FOXK1: variants seen among roughly 807,000 people sequenced by gnomAD.
FOXK1 encodes the protein forkhead box K1.
Under a neutral mutation model 51.9 loss-of-function variants are expected in FOXK1, and 19 were observed. The ratio of observed to expected loss-of-function variants is 0.37; its 90% confidence interval spans 0.26 to 0.54. The LOEUF is 0.54. Ranked by LOEUF, FOXK1 falls within the 20% of genes least tolerant of loss-of-function variation. The pLI is 0.87. For synonymous variants in FOXK1, 537 were observed against 482.6 expected (o/e 1.11, Z -1.48); for missense variants, 870 against 1,032.7 (o/e 0.84, Z 2.16).
At chr7:4,696,403 T>C in intron 1 of FOXK1, among the ~76,000 whole-genome samples, 1 of 152,180 alleles carries the variant, frequency 6.6e-6, no homozygotes, top group East Asian at 1.9e-4. Flanking sequence ...CCTTCCAGAT[T>C]TGTAATTTCC....
chr7:4,712,094 T>A (rs1780182174), intron 1 of FOXK1, among the ~76,000 whole-genome samples: 1 of 151,846 alleles, frequency 6.6e-6, no homozygotes, highest in African/African-American at 2.4e-5. Flanking sequence ...TTATCCATCA[T>A]CTAATTGTGA....
intron 1 of FOXK1, among the ~76,000 whole-genome samples, chr7:4,720,876 G>A (rs774222219): frequency 2.0e-5 from 3 of 151,078 alleles, no homozygotes; most frequent in South Asian, 2.1e-4. Context: ...GCACCACCAC[G>A]CCCACTTAAT....
Position 4,762,825 on chromosome 7 carries a change from C to T in FOXK1, c.*361C>T, listed in dbSNP as rs767385313. Reference sequence around the variant, plus strand: ...GACAGCCCCTCCGCTCCGCGCTGCACGGCCAGCCGCCTTTGTCCGGGAGGA... The same window carrying T: ...GACAGCCCCTCCGCTCCGCGCTGCATGGCCAGCCGCCTTTGTCCGGGAGGA... On this transcript the variant is annotated 3_prime_UTR_variant, in exon 9 of 9. Coordinates refer to ENST00000328914, the MANE Select transcript of FOXK1 (RefSeq NM_001037165.2). The surrounding 1 kb of genome is among the most constrained non-coding windows in gnomAD (Gnocchi z 5.7). 8 of 219,632 alleles carry T rather than the reference C, an allele frequency of 3.6e-5. No individual in the cohort carries two copies. Among genetic ancestry groups the T allele is most frequent in the South Asian group, 8.6e-5 (1 of 11,634 alleles). The allele number at this position is 219,632 out of a possible 1,614,324, so 13.6% of individuals were successfully genotyped here. A position where few individuals can be genotyped will look rare whatever the true frequency, so the allele number is the denominator to read the frequency against.
At chr7:4,744,061 T>C (rs948961189) in intron 2 of FOXK1, among the ~76,000 whole-genome samples, 2 of 151,918 alleles carry the variant, frequency 1.3e-5, no homozygotes, top group African/African-American at 4.8e-5. Flanking sequence ...GTGTTTTTAG[T>C]AGAGATGGGG....
rs941869598 is a variant in FOXK1, at chr7:4,709,559, T to C, written c.560+26691T>C. ...GCAGGCGGACCTTCTCCGGGAGCCC[T>C]GTGCACAGTTGGCTTCGCAGCAGGC... On this transcript the variant is annotated intron_variant, in intron 1 of 8. Transcript: ENST00000328914. This position sits in a 1 kb window ranked among gnomAD's most constrained non-coding sequence, Gnocchi z 5.6. Among the ~76,000 whole-genome samples the C allele has an allele frequency of 2.0e-5, 3 of 152,180 alleles. No homozygotes were observed. The highest frequency in any genetic ancestry group is 4.4e-5 in the Non-Finnish European group (3 of 68,018).
chr7:4,760,966 C>T (rs1225191601), intron 7 of FOXK1, 98 bp from the exon 8 acceptor site: 3 of 1,147,032 alleles, frequency 2.6e-6, no homozygotes, highest in African/African-American at 1.5e-5. Flanking sequence ...CCAGTGCCGA[C>T]CTCACTTTCC....
At chr7:4,708,472 C>CTT (rs1044289870) in intron 1 of FOXK1, among the ~76,000 whole-genome samples, 7 of 152,208 alleles carry the variant, frequency 4.6e-5, no homozygotes, top group Non-Finnish European at 1.0e-4. Flanking sequence ...TAAACTCTAA[C>CTT]TTGACCTTCA....
intron 1 of FOXK1, among the ~76,000 whole-genome samples, chr7:4,724,962 A>G (rs1024686597): frequency 5.9e-5 from 9 of 152,340 alleles, no homozygotes; most frequent in Middle Eastern, 6.8e-3. Flanking sequence ...ACACAGAAAA[A>G]TAGTGGGGAC....
At chr7:4,713,141 C>T (rs78309761) in intron 1 of FOXK1, among the ~76,000 whole-genome samples, 7,155 of 152,252 alleles carry the variant, frequency 0.047, 229 homozygotes, top group Middle Eastern at 0.095. Flanking sequence ...TTTTCCTGCC[C>T]TATTAATTTG....
At chr7:4,705,517 TTCTCTCTCTC>T (rs56842360) in intron 1 of FOXK1, among the ~76,000 whole-genome samples, 58 of 111,568 alleles carry the variant, frequency 5.2e-4, no homozygotes, top group South Asian at 2.7e-3. Flanking sequence ...TTCCTTCTCT[TTCTCTCTCTC>T]TCTCTCTCTC....
rs973831642 is a variant in FOXK1, at chr7:4,711,001, G to A, written c.560+28133G>A. 2.0e-5 allele frequency among the ~76,000 whole-genome samples: 3 copies of A among 152,176 alleles called. No individual in the cohort carries two copies. Among genetic ancestry groups the A allele is most frequent in the Admixed American group, 1.3e-4 (2 of 15,280 alleles). ...ACTGGGTTCTGGGAAGCCCCATCAC[G>A]GTGCCTGAGCTTCACGGAGTTGCAG... On this transcript the variant is annotated intron_variant, in intron 1 of 8. Coordinates refer to ENST00000328914, the MANE Select transcript of FOXK1 (RefSeq NM_001037165.2). The surrounding 1 kb of genome is among the most constrained non-coding windows in gnomAD (Gnocchi z 6.3).
In FOXK1 at chr7:4,697,821, T is replaced by A. The variant is rs190538768; in HGVS notation, c.560+14953T>A. 2.8e-3 allele frequency among the ~76,000 whole-genome samples: 417 copies of A among 151,454 alleles called. 1 individual carries two copies. The highest frequency in any genetic ancestry group is 9.4e-3 in the African/African-American group (389 of 41,290). On this transcript the variant is annotated intron_variant, in intron 1 of 8. Coordinates refer to ENST00000328914, the MANE Select transcript of FOXK1 (RefSeq NM_001037165.2). Reference sequence around the variant, plus strand: ...TGGTATGAGTTTTATAGTAACTAATTTTTTTTTCTTTTTTTTATTTTGAGA... The same window carrying A: ...TGGTATGAGTTTTATAGTAACTAATATTTTTTTCTTTTTTTTATTTTGAGA...
At chr7:4,750,576 G>A (rs1282377813) in intron 2 of FOXK1, among the ~76,000 whole-genome samples, 1 of 151,754 alleles carries the variant, frequency 6.6e-6, no homozygotes, top group East Asian at 1.9e-4. Context: ...CCAAGTAGCT[G>A]GGACTACAAG....
chr7:4,712,757 T>G (rs1266312039), intron 1 of FOXK1, among the ~76,000 whole-genome samples: 1 of 152,214 alleles, frequency 6.6e-6, no homozygotes. Flanking sequence ...CTGTTTATGC[T>G]GCAGAGTGTG....
chr7:4,752,854 C>T (rs1390028250), intron 2 of FOXK1, among the ~76,000 whole-genome samples: 4 of 152,230 alleles, frequency 2.6e-5, no homozygotes, highest in Non-Finnish European at 4.4e-5. Flanking sequence ...GTTTGGTTCC[C>T]AGAGGCCTTT....
At chr7:4,760,648 C>G (rs982843972) in intron 7 of FOXK1, among the ~76,000 whole-genome samples, 6 of 152,142 alleles carry the variant, frequency 3.9e-5, no homozygotes, top group African/African-American at 1.4e-4. Context: ...GTCAGAAGTT[C>G]AAGACCAGCC....
chr7:4,756,938 G>A lies in FOXK1; in HGVS notation c.1051-56G>A. The A allele has an allele frequency of 3.2e-6, 5 of 1,579,752 alleles. No homozygotes were observed. In the South Asian group the frequency reaches 3.4e-5, roughly 11 times the overall value. On this transcript the variant is annotated intron_variant, in intron 4 of 8. Coordinates refer to ENST00000328914, the MANE Select transcript of FOXK1 (RefSeq NM_001037165.2). This position sits in a 1 kb window ranked among gnomAD's most constrained non-coding sequence, Gnocchi z 4.1. ...CGCATCTGCTGCAGATTTGAGGTGG[G>A]TGGGACTCATTTTCTGATTTGCTGG...
At position 4,741,485 on chromosome 7, in the gene FOXK1, C is replaced by G. The variant is rs181259197; in HGVS notation, c.746+462C>G. Among the ~76,000 whole-genome samples, 525 of 152,188 alleles carry G rather than the reference C, an allele frequency of 3.4e-3. 2 individuals are homozygous for G. Among genetic ancestry groups the G allele is most frequent in the African/African-American group, 0.012 (503 of 41,530 alleles). On this transcript the variant is annotated intron_variant, in intron 2 of 8. Transcript: ENST00000328914. ...CTGGGATGACAGGCGCCTGCTACCA[C>G]GCCTGGCTAAATTTTTTGTATTTTT...
chr7:4,687,114 A>G (rs1779829698), intron 1 of FOXK1, among the ~76,000 whole-genome samples: 1 of 151,528 alleles, frequency 6.6e-6, no homozygotes, highest in African/African-American at 2.4e-5. Context: ...TTGTATTTTT[A>G]GTAGAGACGG....
Sources: gnomAD v4.1 joint callset for allele counts (sites outside exome capture counted in the v4.1 genomes callset) on GRCh38, gnomAD v4.1.1 for gene constraint, Gnocchi (gnomAD v3.1) non-coding constraint, MANE v1.5 for transcripts, NCBI Gene and HGNC (gene_info 2026-07-23, HGNC 2026-07-21) for gene names.